TIMM23B: variants seen among roughly 807,000 people sequenced by gnomAD.
TIMM23B encodes mitochondrial import inner membrane translocase subunit Tim23B.
TIMM23B carries 27 observed loss-of-function variants against 27.3 expected under a neutral mutation model. The ratio of observed to expected loss-of-function variants is 0.99; its 90% CI spans 0.73 to 1.36. TIMM23B has a LOEUF of 1.36. TIMM23B is among the 40% of genes most tolerant of loss of function. TIMM23B has a pLI of 0.00. For missense variants in TIMM23B, 205 were observed against 244.2 expected, an observed-to-expected ratio of 0.84 and a Z score of 1.07; for synonymous variants, 73 against 92.4, an observed-to-expected ratio of 0.79 and a Z score of 1.21.
chr10:49,968,866 T>C (rs1182976562), intron 6 of TIMM23B, among the ~76,000 whole-genome samples: 1 of 152,062 alleles, frequency 6.6e-6, no homozygotes, highest in African/African-American at 2.4e-5. Context: ...AATTTGGAAA[T>C]ATTTGTCACT....
At position 49,973,676 on chromosome 10, in the gene TIMM23B, C is replaced by A. The variant is rs1463150437; in HGVS notation, c.*612C>A. On this transcript the variant is annotated 3_prime_UTR_variant, in exon 7 of 7. Transcript: ENST00000651259. Reference sequence around the variant, plus strand: ...TGGGTGACACACCAAGTTGCCATCTCTTCAAAAAAGGAATCTAGAGACATC... The same window carrying A: ...TGGGTGACACACCAAGTTGCCATCTATTCAAAAAAGGAATCTAGAGACATC... 6.6e-6 allele frequency: 1 copy of A among 151,200 alleles called. No homozygotes were observed. The highest frequency in any genetic ancestry group is 2.5e-5 in the African/African-American group (1 of 40,804). The allele number at this position is 151,200 out of a possible 1,614,324, so 9.4% of individuals were successfully genotyped here.
intron 6 of TIMM23B, among the ~76,000 whole-genome samples, chr10:49,972,549 G>A (rs201578379): frequency 0.19 from 28,105 of 148,694 alleles, 3,188 homozygotes; most frequent in Non-Finnish European, 0.27. Flanking sequence ...TTACATGGAA[G>A]TATAGCTTAT....
intron 1 of TIMM23B, chr10:49,943,342 AGTAGCTGGGAATCTAG>A (rs1317028859): frequency 1.3e-5 from 2 of 151,978 alleles, no homozygotes; most frequent in African/African-American, 4.8e-5. Context: ...AAGCCTCCTA[AGTAGCTGGGAATCTAG>A]GTACGTACCA....
chr10:49,969,403 C>T (rs1554856052), intron 6 of TIMM23B, among the ~76,000 whole-genome samples: 1 of 139,686 alleles, frequency 7.2e-6, no homozygotes, highest in African/African-American at 2.7e-5. Context: ...TGCCACTGCA[C>T]TCTAGCCTGG....
intron 6 of TIMM23B, among the ~76,000 whole-genome samples, chr10:49,972,262 T>C (rs1268905254): frequency 6.6e-6 from 1 of 152,200 alleles, no homozygotes; most frequent in African/African-American, 2.4e-5. Flanking sequence ...GTGGGTTATC[T>C]CCAGACCCTT....
intron 5 of TIMM23B, among the ~76,000 whole-genome samples, chr10:49,956,467 GTGTA>G (rs1369992704): frequency 0.081 from 8,661 of 107,048 alleles, 1,044 homozygotes; most frequent in Non-Finnish European, 0.13. Context: ...GTGTGTGTGT[GTGTA>G]TGTGTGTCTT....
In TIMM23B at chr10:49,973,291, C is replaced by G. The variant is rs1392805101; in HGVS notation, c.*227C>G. 11 of 466,810 alleles carry G rather than the reference C, an allele frequency of 2.4e-5. No individual in the cohort carries two copies. Among genetic ancestry groups the G allele is most frequent in the Middle Eastern group, 1.1e-3 (2 of 1,834 alleles). The allele number at this position is 466,810 out of a possible 1,614,324, so 28.9% of individuals were successfully genotyped here. On this transcript the variant is annotated 3_prime_UTR_variant, in exon 7 of 7. Transcript: ENST00000651259. ...TGCTGTTATTTTTGTGTTTACTCAC[C>G]TCATTTATATTGACTTGTAAATTAG...
chr10:49,953,374 C>T lies in TIMM23B; in HGVS notation c.344+841C>T, dbSNP rs1564681379. On this transcript the variant is annotated intron_variant, in intron 4 of 6. Transcript: ENST00000651259. ...TGTGTGGTTTTTTGAGAGACAGGGC[C>T]TTGCTGTGTTGCCCGAGCTGGAGTG... 2.6e-5 allele frequency among the ~76,000 whole-genome samples: 4 copies of T among 152,308 alleles called. No homozygotes were observed. The East Asian group carries it at 5.8e-4, about 22-fold the overall frequency.
chr10:49,946,358 C>T (rs1223609962), intron 2 of TIMM23B, among the ~76,000 whole-genome samples: 1 of 151,978 alleles, frequency 6.6e-6, no homozygotes, highest in Non-Finnish European at 1.5e-5. Flanking sequence ...ATTGTCTGGC[C>T]AGGGCAATTA....
At chr10:49,961,733 C>T (rs1265418380) in intron 6 of TIMM23B, among the ~76,000 whole-genome samples, 1 of 151,604 alleles carries the variant, frequency 6.6e-6, no homozygotes, top group African/African-American at 2.4e-5. Context: ...CCCAGTGGTT[C>T]AGACTACAGG....
chr10:49,948,992 G>A (rs1279393767), intron 2 of TIMM23B, among the ~76,000 whole-genome samples: 66 of 151,952 alleles, frequency 4.3e-4, no homozygotes, highest in Non-Finnish European at 7.9e-4. Flanking sequence ...GGCTCAAGCG[G>A]TCCTTCTGCC....
At position 49,942,255 on chromosome 10, in the gene TIMM23B, G is replaced by A. The variant is rs1194638116; in HGVS notation, c.61G>A (p.Ala21Thr). 7.4e-6 allele frequency: 12 copies of A among 1,612,666 alleles called. No homozygotes were observed. The highest frequency in any genetic ancestry group is 1.7e-5 in the Admixed American group (1 of 59,892). The change falls in exon 1 of 7, where the codon GCC (alanine) becomes ACC (threonine). Residue 21 changes from alanine (A) to threonine (T), a missense_variant. Physicochemically the swap from Ala to Thr is moderately conservative, Grantham distance 58. Transcript: ENST00000651259. ...TTGVLAGFFGAGEAGYSHADL... is the reference protein window; with the variant it reads ...TTGVLAGFFGTGEAGYSHADL... ...AGGGGTATTGGCCGGCTTTTTCGGA[G>A]CCGGCGAAGCAGGTTACTCGCACGC...
chr10:49,968,234 A>G (rs1840251112), intron 6 of TIMM23B, among the ~76,000 whole-genome samples: 1 of 152,256 alleles, frequency 6.6e-6, no homozygotes. Context: ...GCACATGGGC[A>G]TGCATGTTGG....
chr10:49,942,411 C>T (rs1589022729), intron 1 of TIMM23B, 111 bp downstream of exon 1: 1 of 1,540,064 alleles, frequency 6.5e-7, no homozygotes, highest in Middle Eastern at 1.7e-4. Context: ...CTGGCGTTTA[C>T]AAGCTTAAGT....
chr10:49,964,172 G>C (rs559706407), intron 6 of TIMM23B, among the ~76,000 whole-genome samples: 1 of 151,742 alleles, frequency 6.6e-6, no homozygotes, highest in Non-Finnish European at 1.5e-5. Context: ...GTGATAGAGC[G>C]AGTCTCCATC....
chr10:49,962,086 C>A (rs1311365431), intron 6 of TIMM23B, among the ~76,000 whole-genome samples: 1 of 151,168 alleles, frequency 6.6e-6, no homozygotes, highest in African/African-American at 2.4e-5. Context: ...TGTAGACTCT[C>A]GTTAGGAGAA....
intron 2 of TIMM23B, among the ~76,000 whole-genome samples, chr10:49,945,488 G>A (rs1399574031): frequency 3.3e-5 from 5 of 152,032 alleles, no homozygotes; most frequent in Non-Finnish European, 1.5e-5. Context: ...TCAGGCCATC[G>A]TCCTGCCTCA....
intron 6 of TIMM23B, among the ~76,000 whole-genome samples, chr10:49,964,070 G>T (rs557190724): frequency 4.9e-4 from 73 of 150,396 alleles, no homozygotes; most frequent in Non-Finnish European, 8.9e-4. Context: ...TCATGAAATG[G>T]ATTGAAATTG....
At chr10:49,960,237 G>A (rs1358512371) in intron 6 of TIMM23B, among the ~76,000 whole-genome samples, 25 of 150,058 alleles carry the variant, frequency 1.7e-4, no homozygotes, top group Admixed American at 1.3e-3. Flanking sequence ...CTTTTTCGGA[G>A]ATGGGGTCTC....
Sources: gnomAD v4.1 joint callset for allele counts (sites outside exome capture counted in the v4.1 genomes callset) on GRCh38, gnomAD v4.1.1 for gene constraint, MANE v1.5 for transcripts, NCBI Gene and HGNC (gene_info 2026-07-23, HGNC 2026-07-21) for gene names.